The following ADAM10 variants were observed in gnomAD, a reference collection of about 807,000 sequenced individuals.
The protein encoded by ADAM10 is disintegrin and metalloproteinase domain-containing protein 10.
Under a neutral mutation model 90.1 loss-of-function variants are expected in ADAM10, and 17 were observed. The ratio of observed to expected loss-of-function variants is 0.19; its 90% CI spans 0.13 to 0.28. The LOEUF (loss-of-function observed/expected upper bound fraction) is 0.28, where lower values mean the gene tolerates loss of function less well. ADAM10 is among the 10% of genes least tolerant of loss of function. The probability of loss-of-function intolerance (pLI) is 1.00; values close to 1 mark genes in which losing one functional copy is unlikely to be tolerated. For synonymous variants in ADAM10, 310 were observed against 298.6 expected (o/e 1.04, Z -0.40); for missense variants, 610 against 914.3 (o/e 0.67, Z 4.29).
chr15:58,725,420 C>T (rs1898998780), intron 1 of ADAM10, among the ~76,000 whole-genome samples: 2 of 150,574 alleles, frequency 1.3e-5, no homozygotes, highest in Admixed American at 6.6e-5. Flanking sequence ...TTATTGCACA[C>T]CTGTAATCCC....
Position 58,717,670 on chromosome 15 carries a change from T to A in ADAM10, c.113A>T (p.Asn38Ile). ...GTGTTTTTGGTGTAATGAATCCACATTGTAAGATAATCCTTCATAATGTCT... is the reference window on the plus strand; with the variant it reads ...GTGTTTTTGGTGTAATGAATCCACAATGTAAGATAATCCTTCATAATGTCT... Reference protein sequence around the residue: ...YIRHYEGLSYNVDSLHQKHQR... With the variant: ...YIRHYEGLSYIVDSLHQKHQR... The change falls in exon 2 of 16, where the codon AAT becomes ATT. Residue 38 changes from asparagine (N) to isoleucine (I), a missense_variant. Coordinates refer to ENST00000260408, the MANE Select transcript of ADAM10 (RefSeq NM_001110.4). 6.2e-7 allele frequency: 1 copy of A among 1,613,814 alleles called. No individual in the cohort carries two copies. Among genetic ancestry groups the A allele is most frequent in the Non-Finnish European group, 8.5e-7 (1 of 1,179,936 alleles).
intron 1 of ADAM10, among the ~76,000 whole-genome samples, chr15:58,743,874 C>T (rs535001288): frequency 1.6e-4 from 24 of 152,310 alleles, no homozygotes; most frequent in African/African-American, 5.8e-4. Context: ...TCCCAAAGTG[C>T]CGGGATTACA....
At chr15:58,698,314 G>A (rs1209002441) in intron 2 of ADAM10, 1 of 448,262 alleles carries the variant, frequency 2.2e-6, no homozygotes, top group South Asian at 1.6e-5. Flanking sequence ...GCTCACATCT[G>A]TAATCCCAGC....
chr15:58,617,559 G>C (rs974463576), intron 11 of ADAM10, among the ~76,000 whole-genome samples: 1 of 152,160 alleles, frequency 6.6e-6, no homozygotes, highest in Non-Finnish European at 1.5e-5. Flanking sequence ...GTCTGAGCCA[G>C]AGCAATTAGG....
At chr15:58,604,424 G>T (rs1895210341) in intron 14 of ADAM10, among the ~76,000 whole-genome samples, 1 of 152,060 alleles carries the variant, frequency 6.6e-6, no homozygotes, top group East Asian at 1.9e-4. Context: ...TTCCTAATAG[G>T]TTCTCCCAGT....
chr15:58,623,324 T>C (rs757190763), intron 10 of ADAM10, among the ~76,000 whole-genome samples: 9 of 152,156 alleles, frequency 5.9e-5, no homozygotes, highest in Non-Finnish European at 8.8e-5. Context: ...TCAGGGCACA[T>C]AGGAGCCTAG....
chr15:58,731,913 TC>T (rs1400572915), intron 1 of ADAM10, among the ~76,000 whole-genome samples: 22 of 152,112 alleles, frequency 1.4e-4, no homozygotes, highest in Admixed American at 1.4e-3. Context: ...CACATGTGAG[TC>T]ATGGGGTGGA....
intron 1 of ADAM10, among the ~76,000 whole-genome samples, chr15:58,723,030 C>A (rs1898909842): frequency 6.6e-6 from 1 of 151,618 alleles, no homozygotes; most frequent in Non-Finnish European, 1.5e-5. Flanking sequence ...CCATACCCAG[C>A]CAAATCAGAG....
chr15:58,611,916 G>A lies in ADAM10; in HGVS notation c.1587C>T (p.Asp529=), dbSNP rs1566966806. ...SKSEKCRDDS[D]CAREGICNGF... is the part of the protein sequence containing the mutation. ...CATTACATATTCCTTCCCTTGCACA[G>A]TCTGAATCATCCCGACACTTCTCAG... Residue 529 remains aspartate (D), a synonymous_variant, in exon 12 of 16, where the codon GAC becomes GAT. Transcript: ENST00000260408. 1 of 1,614,142 alleles carries A rather than the reference G, an allele frequency of 6.2e-7. No homozygotes were observed. Among genetic ancestry groups the A allele is most frequent in the Non-Finnish European group, 8.5e-7 (1 of 1,180,022 alleles).
Position 58,593,181 on chromosome 15 carries a change from T to A in ADAM10, c.*4366A>T, listed in dbSNP as rs1894866700. The A allele has an allele frequency of 4.6e-5, 3 of 64,944 alleles. 1 individual carries two copies. The South Asian group carries it at 1.6e-3, about 34-fold the overall frequency. 4.0% of individuals were successfully genotyped at this position (64,944 alleles called of 1,614,324 possible). A position where few individuals can be genotyped will look rare whatever the true frequency, so the allele number is the denominator to read the frequency against. Reference sequence around the variant, plus strand: ...TTTTTTTTTTTTTTTTTTTTTTTTTTTTTTTTTTTTTTTTTTGAGACAGAG... The same window carrying A: ...TTTTTTTTTTTTTTTTTTTTTTTTTATTTTTTTTTTTTTTTTGAGACAGAG... On this transcript the variant is annotated 3_prime_UTR_variant, in exon 16 of 16. Transcript: ENST00000260408.
At chr15:58,702,750 T>TAA (rs1898169782) in intron 2 of ADAM10, among the ~76,000 whole-genome samples, 1 of 152,188 alleles carries the variant, frequency 6.6e-6, no homozygotes, top group African/African-American at 2.4e-5. Flanking sequence ...AAATCAAATT[T>TAA]AAATCACATA....
intron 1 of ADAM10, among the ~76,000 whole-genome samples, chr15:58,727,808 G>A (rs1214461547): frequency 6.6e-6 from 1 of 152,066 alleles, no homozygotes; most frequent in Non-Finnish European, 1.5e-5. Context: ...AAAAAATTAT[G>A]AGGGATAAAG....
chr15:58,723,596 T>C (rs1157110729), intron 1 of ADAM10, among the ~76,000 whole-genome samples: 1 of 151,878 alleles, frequency 6.6e-6, no homozygotes, highest in Non-Finnish European at 1.5e-5. Context: ...TCCCAGCTAC[T>C]TGGGAGACTA....
chr15:58,710,626 T>C (rs2140805223), intron 2 of ADAM10, among the ~76,000 whole-genome samples: 1 of 152,366 alleles, frequency 6.6e-6, no homozygotes, highest in African/African-American at 2.4e-5. Context: ...TGTTGCACTA[T>C]ACCTGACACG....
At chr15:58,691,736 G>A (rs963038917) in intron 2 of ADAM10, 10 of 331,686 alleles carry the variant, frequency 3.0e-5, no homozygotes, top group South Asian at 4.5e-5. Context: ...CAGGCTTAGT[G>A]CAGTGGCATG....
chr15:58,687,300 T>C (rs563357330), intron 2 of ADAM10, among the ~76,000 whole-genome samples: 2 of 152,362 alleles, frequency 1.3e-5, no homozygotes, highest in African/African-American at 2.4e-5. Context: ...ATTTGGTCTT[T>C]GTATTCTTAC....
chr15:58,673,886 C>A (rs1412933288), intron 4 of ADAM10, among the ~76,000 whole-genome samples: 1 of 152,058 alleles, frequency 6.6e-6, no homozygotes, highest in Non-Finnish European at 1.5e-5. Context: ...AGGCGCCTGC[C>A]ACCACGCCCG....
chr15:58,634,800 CAA>C (rs749108202), intron 8 of ADAM10, among the ~76,000 whole-genome samples: 17 of 152,114 alleles, frequency 1.1e-4, no homozygotes, highest in Non-Finnish European at 2.1e-4. Context: ...CAAGTTACAA[CAA>C]AGTTACTAAA....
intron 14 of ADAM10, among the ~76,000 whole-genome samples, chr15:58,601,365 G>T (rs996383877): frequency 6.6e-6 from 1 of 152,230 alleles, no homozygotes; most frequent in East Asian, 1.9e-4. Flanking sequence ...GGAGGCTGAG[G>T]GGGGAGAATC....
Sources: allele counts gnomAD v4.1 joint callset (sites outside exome capture counted in the v4.1 genomes callset), GRCh38; gene constraint gnomAD v4.1.1; transcripts MANE v1.5; gene names NCBI Gene and HGNC (gene_info 2026-07-23, HGNC 2026-07-21).